Variants in ATP11B observed in about 807,000 individuals in gnomAD.
ATP11B encodes ATPase phospholipid transporting 11B (putative), also known as phospholipid-transporting ATPase IF.
Under a neutral mutation model 157.8 loss-of-function variants are expected in ATP11B, and 81 were observed. That is an observed-to-expected ratio of 0.51 (90% confidence interval 0.43 to 0.62). ATP11B has a LOEUF of 0.62. Among genes scored for constraint, ATP11B ranks in the 20% least tolerant of loss-of-function variants. ATP11B has a pLI of 0.00. For synonymous variants in ATP11B, 451 were observed against 469.4 expected, an observed-to-expected ratio of 0.96 and a Z score of 0.51; for missense variants, 1,165 against 1,402.2, an observed-to-expected ratio of 0.83 and a Z score of 2.70.
At chr3:182,916,800 G>A (rs1725169422) in intron 29 of ATP11B, 4 of 985,040 alleles carry the variant, frequency 4.1e-6, no homozygotes, top group Non-Finnish European at 4.8e-6. Flanking sequence ...CTAATATAAA[G>A]TATTGGCAGT....
intron 19 of ATP11B, among the ~76,000 whole-genome samples, chr3:182,878,710 A>G (rs968445257): frequency 1.3e-5 from 2 of 152,218 alleles, no homozygotes; most frequent in African/African-American, 4.8e-5. Flanking sequence ...CTGGCATTAC[A>G]ATCCATCATC....
intron 10 of ATP11B, among the ~76,000 whole-genome samples, chr3:182,854,570 C>T (rs1195255895): frequency 6.6e-6 from 1 of 152,030 alleles, no homozygotes; most frequent in East Asian, 1.9e-4. Context: ...TCTTAGGATA[C>T]AACAAATATA....
chr3:182,906,163 T>A (rs935529484), intron 28 of ATP11B, among the ~76,000 whole-genome samples: 27 of 152,240 alleles, frequency 1.8e-4, no homozygotes, highest in South Asian at 2.1e-4. Flanking sequence ...CACCTCACAT[T>A]CTAAGCTGTG....
At chr3:182,855,132 T>C (rs1396390443) in intron 10 of ATP11B, among the ~76,000 whole-genome samples, 1 of 152,120 alleles carries the variant, frequency 6.6e-6, no homozygotes, top group Admixed American at 6.6e-5. Context: ...TGAGAAGAAT[T>C]GCTATTGATG....
intron 28 of ATP11B, among the ~76,000 whole-genome samples, chr3:182,903,710 C>CA (rs1303057364): frequency 7.9e-5 from 12 of 152,038 alleles, no homozygotes; most frequent in African/African-American, 2.4e-4. Flanking sequence ...TTGTCTGAGC[C>CA]AAATATGTGT....
In ATP11B at chr3:182,921,006, T is replaced by G. The variant is rs939411168; in HGVS notation, c.*2902T>G. The G allele has an allele frequency of 4.6e-5, 7 of 152,134 alleles. No homozygotes were observed. Among genetic ancestry groups the G allele is most frequent in the African/African-American group, 1.7e-4 (7 of 41,380 alleles). The allele number at this position is 152,134 out of a possible 1,614,324, so 9.4% of individuals were successfully genotyped here. A position where few individuals can be genotyped will look rare whatever the true frequency, so the allele number is the denominator to read the frequency against. On this transcript the variant is annotated 3_prime_UTR_variant, in exon 30 of 30. Coordinates refer to ENST00000323116, the MANE Select transcript of ATP11B (RefSeq NM_014616.3). The stretch of plus-strand genomic sequence containing the variant: ...GTACCAGGACTGAGGTCATTTCTAC[T>G]GGAAAAGATTGTGAGATTGAACTTA...
At chr3:182,837,664 T>C (rs1560076042) in intron 7 of ATP11B, among the ~76,000 whole-genome samples, 1 of 152,050 alleles carries the variant, frequency 6.6e-6, no homozygotes, top group East Asian at 1.9e-4. Context: ...TTTCTATAAA[T>C]ATATAACAGC....
At chr3:182,808,570 T>A (rs959884319) in intron 1 of ATP11B, among the ~76,000 whole-genome samples, 20 of 152,170 alleles carry the variant, frequency 1.3e-4, no homozygotes, top group African/African-American at 4.6e-4. Flanking sequence ...GTTGGTAGTC[T>A]CCCAGGCCAT....
At chr3:182,914,289 C>T (rs981998078) in intron 29 of ATP11B, 15 of 1,080,590 alleles carry the variant, frequency 1.4e-5, no homozygotes, top group Non-Finnish European at 1.6e-5. Flanking sequence ...TTATGGTACT[C>T]TTTTATGGTT....
chr3:182,845,348 A>C, intron 8 of ATP11B, 110 bp from the exon 9 acceptor site: 1 of 916,196 alleles, frequency 1.1e-6, no homozygotes, highest in Non-Finnish European at 1.6e-6. Context: ...GTTTTATATG[A>C]AAGTGGTGTT....
chr3:182,797,721 GAAAA>G (rs1715715860), intron 1 of ATP11B, among the ~76,000 whole-genome samples: 2 of 150,464 alleles, frequency 1.3e-5, no homozygotes, highest in South Asian at 2.1e-4. Context: ...AAAGAAAAAA[GAAAA>G]AAGAAAAAAG....
At chr3:182,884,728 A>G (rs1230308487) in intron 21 of ATP11B, 25 bp from the exon 22 acceptor site, 2 of 1,570,328 alleles carry the variant, frequency 1.3e-6, no homozygotes, top group Non-Finnish European at 1.7e-6. Flanking sequence ...ATCAGTGAAC[A>G]TGTCTTTTGT....
chr3:182,803,018 A>G (rs1042858889), intron 1 of ATP11B, among the ~76,000 whole-genome samples: 24 of 152,106 alleles, frequency 1.6e-4, no homozygotes, highest in African/African-American at 5.3e-4. Flanking sequence ...TTTCTAATGT[A>G]TATTCGGATT....
intron 19 of ATP11B, 151 bp from the exon 20 acceptor site, chr3:182,879,345 A>G (rs573254572): frequency 1.7e-5 from 10 of 601,302 alleles, no homozygotes; most frequent in Non-Finnish European, 2.4e-5. Context: ...TTAAGGTAGT[A>G]AAACAGTTTG....
intron 19 of ATP11B, among the ~76,000 whole-genome samples, chr3:182,874,540 T>A (rs2971452): frequency 2.0e-5 from 3 of 152,192 alleles, no homozygotes; most frequent in Non-Finnish European, 2.9e-5. Context: ...GGGGATTATT[T>A]TATTTTTGAG....
chr3:182,860,179 T>C (rs953097884), intron 12 of ATP11B, among the ~76,000 whole-genome samples: 1 of 152,100 alleles, frequency 6.6e-6, no homozygotes, highest in Non-Finnish European at 1.5e-5. Context: ...TTCTAATAAC[T>C]TCCTGAGAAA....
In ATP11B at chr3:182,863,720, T is replaced by C. The variant is rs1020686571; in HGVS notation, c.1201-1736T>C. 9.7e-4 allele frequency among the ~76,000 whole-genome samples: 147 copies of C among 151,954 alleles called. 2 individuals carry two copies. The highest frequency in any genetic ancestry group is 3.2e-3 in the African/African-American group (134 of 41,542). ...CTTCTTGATTTTATATATATATATA[T>C]ACTTTTAAATCAAAGTTAATTTATT... On this transcript the variant is annotated intron_variant, in intron 12 of 29. Coordinates refer to ENST00000323116, the MANE Select transcript of ATP11B (RefSeq NM_014616.3).
intron 22 of ATP11B, 133 bp from the exon 23 acceptor site, chr3:182,885,818 C>G (rs1430507695): frequency 3.8e-6 from 2 of 525,504 alleles, no homozygotes; most frequent in Non-Finnish European, 6.5e-6. Flanking sequence ...TATATATGGA[C>G]AAGTCCTTAT....
At chr3:182,794,148 G>A (rs566245440) in intron 1 of ATP11B, among the ~76,000 whole-genome samples, 154 of 152,254 alleles carry the variant, frequency 1.0e-3, no homozygotes, top group Non-Finnish European at 1.9e-3. Flanking sequence ...AGCTGAGCGA[G>A]AGTAGGTCTT....
Sources: allele counts gnomAD v4.1 joint callset (sites outside exome capture counted in the v4.1 genomes callset), GRCh38; gene constraint gnomAD v4.1.1; transcripts MANE v1.5; gene names NCBI Gene and HGNC (gene_info 2026-07-23, HGNC 2026-07-21).